Variants in TRIM37 observed in about 807,000 individuals in gnomAD.
TRIM37 encodes tripartite motif containing 37.
Under a neutral mutation model 129.8 loss-of-function variants are expected in TRIM37, and 80 were observed. The observed-to-expected ratio is 0.62, with a 90% CI of 0.51 to 0.74. The LOEUF (loss-of-function observed/expected upper bound fraction) is 0.74. Among genes scored for constraint, TRIM37 ranks in the 30% least tolerant of loss-of-function variants. The pLI is 0.00. For synonymous variants in TRIM37, 389 were observed against 387.1 expected (o/e 1.00, Z -0.06); for missense variants, 1,054 against 1,176.5 (o/e 0.90, Z 1.52).
chr17:59,003,663 C>A lies in TRIM37; in HGVS notation c.2696-1949G>T, dbSNP rs534350513. ...GTCTTATTAAAAAAAAAAAAAAAAACCTAATGAAAATGTTCAGGATACAAC... is the reference window on the plus strand; with the variant it reads ...GTCTTATTAAAAAAAAAAAAAAAAAACTAATGAAAATGTTCAGGATACAAC... On this transcript the variant is annotated intron_variant, in intron 22 of 23. Coordinates refer to ENST00000262294, the MANE Select transcript of TRIM37 (RefSeq NM_015294.6). 3.2e-3 allele frequency among the ~76,000 whole-genome samples: 409 copies of A among 127,900 alleles called. 11 individuals are homozygous for A. The East Asian group carries it at 0.067, about 21-fold the overall frequency. 83.9% of individuals were successfully genotyped at this position (127,900 alleles called of 152,430 possible). A position where few individuals can be genotyped will look rare whatever the true frequency, so the allele number is the denominator to read the frequency against.
At chr17:59,078,942 C>T (rs2043039065) in intron 7 of TRIM37, among the ~76,000 whole-genome samples, 1 of 151,574 alleles carries the variant, frequency 6.6e-6, no homozygotes, top group African/African-American at 2.4e-5. Flanking sequence ...AATATACAAA[C>T]TCAAAGATAT....
chr17:59,047,147 C>T lies in TRIM37; in HGVS notation c.1667+536G>A, dbSNP rs374477051. Among the ~76,000 whole-genome samples the T allele has an allele frequency of 5.0e-4, 75 of 149,340 alleles. 1 individual carries two copies. The East Asian group carries it at 0.013, about 25-fold the overall frequency. Reference sequence around the variant, plus strand: ...CAGCCTGGGCGACAGAGCGAGACTCCGTCTCAAAAAAAAAGGAAAAAAAAA... The same window carrying T: ...CAGCCTGGGCGACAGAGCGAGACTCTGTCTCAAAAAAAAAGGAAAAAAAAA... On this transcript the variant is annotated intron_variant, in intron 16 of 23. Coordinates refer to ENST00000262294, the MANE Select transcript of TRIM37 (RefSeq NM_015294.6).
chr17:59,072,539 C>T (rs2042462967), intron 8 of TRIM37, among the ~76,000 whole-genome samples: 1 of 151,918 alleles, frequency 6.6e-6, no homozygotes, highest in Non-Finnish European at 1.5e-5. Flanking sequence ...ACCTCATGAC[C>T]TGGCTAGTTC....
intron 16 of TRIM37, among the ~76,000 whole-genome samples, chr17:59,042,821 T>A (rs2039403292): frequency 6.6e-6 from 1 of 151,206 alleles, no homozygotes; most frequent in South Asian, 2.1e-4. Flanking sequence ...AAAAGAACTG[T>A]GTCAGGCAAA....
intron 7 of TRIM37, among the ~76,000 whole-genome samples, chr17:59,077,227 T>C (rs1462308225): frequency 6.6e-6 from 1 of 151,438 alleles, no homozygotes; most frequent in Non-Finnish European, 1.5e-5. Context: ...CCTGAGTAGC[T>C]GGGACTACAG....
chr17:59,085,926 C>A (rs1358135286), intron 4 of TRIM37, among the ~76,000 whole-genome samples: 1 of 152,022 alleles, frequency 6.6e-6, no homozygotes, highest in Non-Finnish European at 1.5e-5. Flanking sequence ...TAAAATAAAC[C>A]AGTTACAAAA....
chr17:59,039,154 C>T (rs1014695430), intron 17 of TRIM37, among the ~76,000 whole-genome samples: 1 of 152,146 alleles, frequency 6.6e-6, no homozygotes, highest in Non-Finnish European at 1.5e-5. Context: ...ATGTAACATG[C>T]ATGTTTGTCT....
chr17:59,087,037 T>C (rs1184186794), intron 4 of TRIM37, among the ~76,000 whole-genome samples: 1 of 152,192 alleles, frequency 6.6e-6, no homozygotes, highest in African/African-American at 2.4e-5. Context: ...ACCTCTACAA[T>C]GCTACAAGTG....
rs571716893 is a variant in TRIM37 at position 59,053,018 on chromosome 17, G to A, written c.1200-1690C>T. Among the ~76,000 whole-genome samples, 3 of 144,748 alleles carry A rather than the reference G, an allele frequency of 2.1e-5. No individual in the cohort carries two copies. The Admixed American group carries it at 2.1e-4, about 10-fold the overall frequency. The allele number at this position is 144,748 out of a possible 152,430, so 95.0% of individuals were successfully genotyped here. A position where few individuals can be genotyped will look rare whatever the true frequency, so the allele number is the denominator to read the frequency against. On this transcript the variant is annotated intron_variant, in intron 13 of 23. Coordinates refer to ENST00000262294, the MANE Select transcript of TRIM37 (RefSeq NM_015294.6). Reference sequence around the variant, plus strand: ...AAATCAAATCAAGAGATTAAATTACGTTCTGAACGGAACTGAGTAGAGATG... The same window carrying A: ...AAATCAAATCAAGAGATTAAATTACATTCTGAACGGAACTGAGTAGAGATG...
intron 10 of TRIM37, among the ~76,000 whole-genome samples, chr17:59,063,896 A>G (rs183361079): frequency 2.1e-3 from 327 of 152,304 alleles, no homozygotes; most frequent in Non-Finnish European, 3.4e-3. Flanking sequence ...GCTAATGCCT[A>G]TAATTCCAGC....
intron 22 of TRIM37, among the ~76,000 whole-genome samples, chr17:59,003,469 C>A (rs1196863586): frequency 6.6e-6 from 1 of 152,016 alleles, no homozygotes; most frequent in Non-Finnish European, 1.5e-5. Context: ...CAAGCACATT[C>A]CACTCTATCT....
At chr17:58,988,812 G>C (rs1332984800) in intron 24 of TRIM37, among the ~76,000 whole-genome samples, 2 of 152,120 alleles carry the variant, frequency 1.3e-5, no homozygotes, top group Non-Finnish European at 2.9e-5. Flanking sequence ...AGGAACTCGA[G>C]ACCACTAAGG....
rs182208565 is a variant in TRIM37, at chr17:58,998,893, C to T, written c.*484G>A. 37 of 1,016,678 alleles carry T rather than the reference C, an allele frequency of 3.6e-5. No individual in the cohort carries two copies. The East Asian group carries it at 3.3e-3, about 92-fold the overall frequency. The allele number at this position is 1,016,678 out of a possible 1,614,324, so 63.0% of individuals were successfully genotyped here. A position where few individuals can be genotyped will look rare whatever the true frequency, so the allele number is the denominator to read the frequency against. On this transcript the variant is annotated 3_prime_UTR_variant, in exon 24 of 24. Transcript: ENST00000262294. ...ACATAGTGTCTACAGGGCAGAATCT[C>T]TTCCAAAGCAATTTTCTGTTCACTA... is the stretch of plus-strand genomic sequence containing the variant.
chr17:59,026,267 T>C (rs1399021361), intron 19 of TRIM37, among the ~76,000 whole-genome samples: 1 of 152,142 alleles, frequency 6.6e-6, no homozygotes, highest in Non-Finnish European at 1.5e-5. Flanking sequence ...TAATTCTTAA[T>C]GGATGAAAGA....
At chr17:58,972,431 A>G in the TRIM37 span, among the ~76,000 whole-genome samples, 1 of 151,878 alleles carries the variant, frequency 6.6e-6, no homozygotes. Flanking sequence ...GCTCACTGCA[A>G]CCTCCGCCTC....
the TRIM37 span, among the ~76,000 whole-genome samples, chr17:58,975,007 T>C: frequency 2.0e-5 from 3 of 152,200 alleles, no homozygotes; most frequent in Non-Finnish European, 2.9e-5. Flanking sequence ...TACCCTTATA[T>C]GGAATTATTA....
intron 5 of TRIM37, among the ~76,000 whole-genome samples, chr17:59,081,466 T>C (rs2043245486): frequency 6.6e-6 from 1 of 152,148 alleles, no homozygotes; most frequent in African/African-American, 2.4e-5. Context: ...ATTAACTTAT[T>C]AAAAAGAACC....
intron 2 of TRIM37, among the ~76,000 whole-genome samples, chr17:59,097,859 T>C (rs750986703): frequency 6.6e-6 from 1 of 152,236 alleles, no homozygotes; most frequent in Non-Finnish European, 1.5e-5. Flanking sequence ...TTAATATTGT[T>C]AAGACAGCAA....
chr17:59,025,734 G>A (rs1005923459), intron 19 of TRIM37, among the ~76,000 whole-genome samples: 1 of 152,092 alleles, frequency 6.6e-6, no homozygotes, highest in Admixed American at 6.6e-5. Context: ...GACCTGTACA[G>A]TACAACAAGC....
Sources: gnomAD v4.1 joint callset for allele counts (sites outside exome capture counted in the v4.1 genomes callset) on GRCh38, gnomAD v4.1.1 for gene constraint, MANE v1.5 for transcripts, NCBI Gene and HGNC (gene_info 2026-07-23, HGNC 2026-07-21) for gene names.